The following BCKDHB variants were observed in gnomAD, a reference collection of about 807,000 sequenced individuals.
BCKDHB encodes the protein 2-oxoisovalerate dehydrogenase subunit beta, mitochondrial.
A neutral mutation model predicts 48.5 loss-of-function variants in BCKDHB; 41 were observed. That is an observed-to-expected ratio of 0.85 (90% CI 0.66 to 1.10). The LOEUF is 1.10. Among genes scored for constraint, BCKDHB ranks in the 50% least tolerant of loss-of-function variants. BCKDHB has a pLI of 0.00. For missense variants in BCKDHB, 496 were observed against 494.2 expected (o/e 1.00, Z -0.03); for synonymous variants, 201 against 174.8 (o/e 1.15, Z -1.18).
chr6:80,129,572 C>G lies in BCKDHB; in HGVS notation c.343+343C>G, dbSNP rs376816046. On this transcript the variant is annotated intron_variant, in intron 3 of 9. Transcript: ENST00000320393. ...ATTCCATTGCCTCCAGTTGGAGATT[C>G]TGCCTGTTGGGTCTTTATTAGCAAA... 5.3e-5 allele frequency among the ~76,000 whole-genome samples: 8 copies of G among 152,148 alleles called. No individual in the cohort carries two copies. The East Asian group carries it at 1.4e-3, about 26-fold the overall frequency.
At chr6:80,223,155 A>G (rs933106580) in intron 8 of BCKDHB, among the ~76,000 whole-genome samples, 3 of 152,212 alleles carry the variant, frequency 2.0e-5, no homozygotes, top group African/African-American at 7.2e-5. Flanking sequence ...ATCTACCTTG[A>G]TAGCATAGTA....
At chr6:80,403,763 A>G in the BCKDHB span, among the ~76,000 whole-genome samples, 1 of 151,880 alleles carries the variant, frequency 6.6e-6, no homozygotes, top group Non-Finnish European at 1.5e-5. Context: ...TCTATATCTA[A>G]TTGGTTGAGA....
intron 6 of BCKDHB, among the ~76,000 whole-genome samples, chr6:80,172,587 C>T (rs1251615395): frequency 3.3e-5 from 5 of 152,064 alleles, no homozygotes; most frequent in Non-Finnish European, 7.4e-5. Context: ...AACTATGTTT[C>T]TGGAGCCAGC....
At chr6:80,140,056 C>T (rs1380614061) in intron 3 of BCKDHB, among the ~76,000 whole-genome samples, 1 of 152,156 alleles carries the variant, frequency 6.6e-6, no homozygotes, top group Non-Finnish European at 1.5e-5. Flanking sequence ...ATTTTATTCT[C>T]TTTGAAGCAA....
chr6:80,404,022 AT>A, the BCKDHB span, among the ~76,000 whole-genome samples: 1 of 151,946 alleles, frequency 6.6e-6, no homozygotes, highest in South Asian at 2.1e-4. Flanking sequence ...CATCAGGGGT[AT>A]TGGCTTGTAG....
At chr6:80,387,416 A>T in the BCKDHB span, among the ~76,000 whole-genome samples, 1 of 152,206 alleles carries the variant, frequency 6.6e-6, no homozygotes, top group Non-Finnish European at 1.5e-5. Flanking sequence ...GATTGCAGAG[A>T]TTAGTGCCAC....
intron 3 of BCKDHB, among the ~76,000 whole-genome samples, chr6:80,149,101 A>G (rs1240170217): frequency 9.9e-5 from 15 of 152,196 alleles, no homozygotes; most frequent in Non-Finnish European, 1.5e-4. Context: ...CAGAATCTAC[A>G]AAGAACTCAA....
the BCKDHB span, among the ~76,000 whole-genome samples, chr6:80,446,928 T>C: frequency 3.3e-5 from 5 of 152,044 alleles, no homozygotes; most frequent in Admixed American, 2.6e-4. Context: ...TTGTGCTTTA[T>C]GGTCAAGCTG....
At chr6:80,146,695 C>T (rs964429819) in intron 3 of BCKDHB, among the ~76,000 whole-genome samples, 2 of 152,106 alleles carry the variant, frequency 1.3e-5, no homozygotes, top group South Asian at 4.1e-4. Context: ...TAGGAATTGG[C>T]AACATCAAGT....
the BCKDHB span, among the ~76,000 whole-genome samples, chr6:80,442,511 A>G: frequency 6.6e-6 from 1 of 152,182 alleles, no homozygotes; most frequent in Non-Finnish European, 1.5e-5. Context: ...CACCACATGT[A>G]TAGAAGAGAC....
the BCKDHB span, among the ~76,000 whole-genome samples, chr6:80,447,957 A>C: frequency 6.6e-6 from 1 of 152,196 alleles, no homozygotes; most frequent in Non-Finnish European, 1.5e-5. Context: ...TGTGCCAAAC[A>C]TGGTAATAGA....
chr6:80,420,561 T>G, the BCKDHB span, among the ~76,000 whole-genome samples: 4 of 152,176 alleles, frequency 2.6e-5, no homozygotes, highest in South Asian at 8.3e-4. Context: ...GCTGTTGAGA[T>G]CCAAGGGCTC....
At chr6:80,261,539 G>GT (rs1582460809) in intron 8 of BCKDHB, among the ~76,000 whole-genome samples, 1 of 152,024 alleles carries the variant, frequency 6.6e-6, no homozygotes, top group African/African-American at 2.4e-5. Flanking sequence ...TCTGCTGAAT[G>GT]TGGAGCATCA....
At chr6:80,202,871 G>A (rs1218433185) in intron 7 of BCKDHB, among the ~76,000 whole-genome samples, 1 of 151,784 alleles carries the variant, frequency 6.6e-6, no homozygotes, top group Non-Finnish European at 1.5e-5. Context: ...AGTATCTGTG[G>A]TACTGACTTC....
chr6:80,426,656 T>G, the BCKDHB span, among the ~76,000 whole-genome samples: 1 of 152,144 alleles, frequency 6.6e-6, no homozygotes. Context: ...TATTAATTTC[T>G]AGTTTAATTA....
In BCKDHB at chr6:80,343,807, A is replaced by T. The variant is rs1205597444; in HGVS notation, c.*3A>T. 3.1e-6 allele frequency: 5 copies of T among 1,613,956 alleles called. No individual in the cohort carries two copies. Among genetic ancestry groups the T allele is most frequent in the Non-Finnish European group, 4.2e-6 (5 of 1,179,920 alleles). On this transcript the variant is annotated 3_prime_UTR_variant, in exon 10 of 10. Transcript: ENST00000320393. Reference sequence around the variant, plus strand: ...TTCGAAAAATGATCAACTATTGACCATATAGGTAGGTATGCATCTTGAGAA... The same window carrying T: ...TTCGAAAAATGATCAACTATTGACCTTATAGGTAGGTATGCATCTTGAGAA...
chr6:80,343,026 G>C (rs1304089489), intron 9 of BCKDHB, among the ~76,000 whole-genome samples: 2 of 152,142 alleles, frequency 1.3e-5, no homozygotes, highest in African/African-American at 4.8e-5. Context: ...TGTAGGGCTG[G>C]GGAGGTGCTG....
chr6:80,201,452 G>A (rs1298976733), intron 7 of BCKDHB, among the ~76,000 whole-genome samples: 1 of 152,100 alleles, frequency 6.6e-6, no homozygotes, highest in Admixed American at 6.6e-5. Flanking sequence ...TGAAGGTGAG[G>A]TGTCTATATA....
intron 6 of BCKDHB, among the ~76,000 whole-genome samples, chr6:80,199,804 G>C (rs1774302389): frequency 7.2e-6 from 1 of 139,724 alleles, no homozygotes; most frequent in Non-Finnish European, 1.5e-5. Context: ...AAAAGGCCGG[G>C]CACATGCCTG....
Sources: gnomAD v4.1 joint callset for allele counts (sites outside exome capture counted in the v4.1 genomes callset) on GRCh38, gnomAD v4.1.1 for gene constraint, MANE v1.5 for transcripts, NCBI Gene and HGNC (gene_info 2026-07-23, HGNC 2026-07-21) for gene names.